The following ROBO2 variants were observed in gnomAD, a reference collection of about 807,000 sequenced individuals.
The protein encoded by ROBO2 is roundabout guidance receptor 2, also known as roundabout homolog 2.
Under a neutral mutation model 160.8 loss-of-function variants are expected in ROBO2, and 53 were observed. The ratio of observed to expected loss-of-function variants is 0.33; its 90% confidence interval spans 0.26 to 0.41. The LOEUF (loss-of-function observed/expected upper bound fraction) is 0.41. ROBO2 is among the 10% of genes least tolerant of loss of function. The probability of loss-of-function intolerance (pLI) is 1.00; values close to 1 mark genes in which losing one functional copy is unlikely to be tolerated. For missense variants in ROBO2, 1,577 were observed against 1,722.4 expected (o/e 0.92, Z 1.49); for synonymous variants, 664 against 611.7 (o/e 1.09, Z -1.26).
chr3:77,493,270 A>G (rs766515033), exon 5 of ROBO2: 1 of 1,613,982 alleles, frequency 6.2e-7, no homozygotes, highest in Non-Finnish European at 8.5e-7. Flanking sequence ...CAGGAGGCCA[A>G]TTAACCAGGT....
intron 2 of ROBO2, among the ~76,000 whole-genome samples, chr3:77,425,976 C>A (rs574413706): frequency 9.4e-4 from 143 of 152,016 alleles, no homozygotes; most frequent in African/African-American, 3.2e-3. Context: ...TAATATGATT[C>A]GTGGTGTGAC....
intron 2 of ROBO2, among the ~76,000 whole-genome samples, chr3:77,386,916 T>A (rs1463106406): frequency 6.6e-6 from 1 of 151,992 alleles, no homozygotes; most frequent in African/African-American, 2.4e-5. Flanking sequence ...AATTTTTTTA[T>A]AAATTAGTTC....
At chr3:76,133,343 C>T (rs1270776298) in intron 2 of ROBO2, among the ~76,000 whole-genome samples, 2 of 151,982 alleles carry the variant, frequency 1.3e-5, no homozygotes, top group Non-Finnish European at 2.9e-5. Context: ...TTACCCTTTA[C>T]TTTCACACTC....
intron 2 of ROBO2, among the ~76,000 whole-genome samples, chr3:76,446,230 T>G (rs1490453296): frequency 6.6e-6 from 1 of 152,146 alleles, no homozygotes; most frequent in Non-Finnish European, 1.5e-5. Flanking sequence ...ATCACAAGCA[T>G]TCTTTTACAA....
At chr3:77,214,248 C>T (rs541832206) in intron 2 of ROBO2, among the ~76,000 whole-genome samples, 96 of 152,164 alleles carry the variant, frequency 6.3e-4, no homozygotes, top group African/African-American at 1.6e-3. Context: ...ACTTCCTTTA[C>T]GAGTCTGGGT....
intron 1 of ROBO2, among the ~76,000 whole-genome samples, chr3:75,915,418 T>C (rs1946769465): frequency 6.6e-6 from 1 of 152,184 alleles, no homozygotes; most frequent in South Asian, 2.1e-4. Context: ...GTTGTGACTA[T>C]ATGGAGAAAT....
intron 2 of ROBO2, among the ~76,000 whole-genome samples, chr3:76,274,761 C>A (rs572062039): frequency 6.6e-6 from 1 of 151,450 alleles, no homozygotes; most frequent in African/African-American, 2.4e-5. Context: ...TGGCTTGAAC[C>A]CAGAGGCAGA....
chr3:75,944,972 G>A lies in ROBO2; in HGVS notation c.109+7370G>A, dbSNP rs967291884. Among the ~76,000 whole-genome samples the A allele has an allele frequency of 4.1e-4, 62 of 151,894 alleles. 1 individual carries two copies. The highest frequency in any genetic ancestry group is 4.1e-4 in the South Asian group (2 of 4,820). ...TTAACTGTTGCTTTTCATAGTTTAC[G>A]TACCTCCTCCTATACCACACTATTA... On this transcript the variant is annotated intron_variant, in intron 2 of 26. Coordinates refer to the ROBO2 transcript ENST00000487694.
chr3:77,304,587 C>A (rs1303948895), intron 2 of ROBO2, among the ~76,000 whole-genome samples: 1 of 152,178 alleles, frequency 6.6e-6, no homozygotes, highest in Non-Finnish European at 1.5e-5. Context: ...ATTATACTAT[C>A]AAGAGGGAAG....
intron 2 of ROBO2, among the ~76,000 whole-genome samples, chr3:77,241,149 T>C (rs1033567623): frequency 7.2e-5 from 11 of 152,260 alleles, no homozygotes; most frequent in Non-Finnish European, 1.3e-4. Flanking sequence ...TATTTGATCA[T>C]TTGTGCGTCC....
chr3:76,395,041 C>T (rs1301216481), intron 2 of ROBO2, among the ~76,000 whole-genome samples: 2 of 152,062 alleles, frequency 1.3e-5, no homozygotes, highest in African/African-American at 2.4e-5. Context: ...CAGCACCGCA[C>T]CACACCTATT....
intron 2 of ROBO2, among the ~76,000 whole-genome samples, chr3:77,352,476 T>C (rs1010086267): frequency 1.3e-5 from 2 of 152,206 alleles, no homozygotes; most frequent in African/African-American, 4.8e-5. Flanking sequence ...TATTTTTTTT[T>C]CCCAGAGTCT....
At chr3:77,258,081 T>G (rs988925050) in intron 2 of ROBO2, among the ~76,000 whole-genome samples, 1 of 152,236 alleles carries the variant, frequency 6.6e-6, no homozygotes, top group African/African-American at 2.4e-5. Context: ...ACACATTTCC[T>G]TGTGAATGAA....
rs2076149633 is a variant in ROBO2, at chr3:77,134,875, AT to A, written c.388+36537del. On this transcript the variant is annotated intron_variant, in intron 2 of 25. Coordinates refer to ENST00000461745, the Ensembl canonical transcript of ROBO2. ...AAGTCACTCTACTCGATTAAGAGAAATTGATTTTCCTCTACTGTGGATCATA... is the reference window on the plus strand; with the variant it reads ...AAGTCACTCTACTCGATTAAGAGAAATGATTTTCCTCTACTGTGGATCATA... 2.6e-5 allele frequency among the ~76,000 whole-genome samples: 4 copies of A among 152,334 alleles called. No homozygotes were observed. In the South Asian group the frequency reaches 8.3e-4, roughly 32 times the overall value.
chr3:76,834,258 G>A (rs1289953765), intron 2 of ROBO2, among the ~76,000 whole-genome samples: 4 of 150,392 alleles, frequency 2.7e-5, no homozygotes, highest in Admixed American at 1.3e-4. Context: ...AAGCTGGAGT[G>A]CAGTGGTACA....
At chr3:76,642,786 A>G (rs1262160234) in intron 2 of ROBO2, among the ~76,000 whole-genome samples, 2 of 152,196 alleles carry the variant, frequency 1.3e-5, no homozygotes, top group Non-Finnish European at 2.9e-5. Flanking sequence ...TTCTGCAGCA[A>G]TTGTCCACCA....
intron 2 of ROBO2, among the ~76,000 whole-genome samples, chr3:76,219,877 C>T (rs1703841558): frequency 6.6e-6 from 1 of 151,998 alleles, no homozygotes; most frequent in Non-Finnish European, 1.5e-5. Flanking sequence ...CACATGCACA[C>T]ATATGTTTAC....
At chr3:77,017,115 G>A (rs1014039059) in intron 2 of ROBO2, among the ~76,000 whole-genome samples, 1 of 152,010 alleles carries the variant, frequency 6.6e-6, no homozygotes, top group African/African-American at 2.4e-5. Flanking sequence ...TCTTTATTTT[G>A]TCTAGAATTT....
At chr3:76,811,707 C>T (rs1304121375) in intron 2 of ROBO2, among the ~76,000 whole-genome samples, 4 of 152,058 alleles carry the variant, frequency 2.6e-5, no homozygotes, top group African/African-American at 9.7e-5. Flanking sequence ...AATTTCAAGA[C>T]TTCATGCCTA....
Sources: allele counts gnomAD v4.1 joint callset (sites outside exome capture counted in the v4.1 genomes callset), GRCh38; gene constraint gnomAD v4.1.1; transcripts MANE v1.5; gene names NCBI Gene and HGNC (gene_info 2026-07-23, HGNC 2026-07-21).